ARHGAP6: variants seen among roughly 807,000 people sequenced by gnomAD.
ARHGAP6 encodes the protein Rho GTPase activating protein 6.
Under a neutral mutation model 55.7 loss-of-function variants are expected in ARHGAP6, and 16 were observed. The observed-to-expected ratio is 0.29, with a 90% CI of 0.19 to 0.44. ARHGAP6 has a LOEUF of 0.44. Ranked by LOEUF, ARHGAP6 falls within the 20% of genes least tolerant of loss-of-function variation. ARHGAP6 has a pLI of 1.00. For missense variants in ARHGAP6, 698 were observed against 808.9 expected, an observed-to-expected ratio of 0.86 and a Z score of 1.66; for synonymous variants, 382 against 360.9, an observed-to-expected ratio of 1.06 and a Z score of -0.66.
intron 1 of ARHGAP6, among the ~76,000 whole-genome samples, chrX:11,588,031 A>G (rs1300499867): frequency 8.9e-6 from 1 of 112,107 alleles, no homozygotes; most frequent in Admixed American, 9.5e-5. Flanking sequence ...TCTGCTGTTA[A>G]AAAGAGAAAT....
chrX:11,276,405 C>A (rs1042685272), intron 1 of ARHGAP6, among the ~76,000 whole-genome samples: 1 of 112,157 alleles, frequency 8.9e-6, no homozygotes, highest in Middle Eastern at 4.2e-3. Context: ...AGTAGCAATT[C>A]TGTCTATACA....
chrX:11,581,544 C>A lies in ARHGAP6; in HGVS notation c.588+82697G>T, dbSNP rs2051666314. On this transcript the variant is annotated intron_variant, in intron 1 of 12. Coordinates refer to ENST00000337414, the MANE Select transcript of ARHGAP6 (RefSeq NM_013427.3). ...GTCCATCAATGAATAAATGGATAAACAAAGTGTGGTCTATCCATACCCTGG... is the reference window on the plus strand; with the variant it reads ...GTCCATCAATGAATAAATGGATAAAAAAAGTGTGGTCTATCCATACCCTGG... Among the ~76,000 whole-genome samples, 3 of 111,810 alleles carry A rather than the reference C, an allele frequency of 2.7e-5. No homozygotes were observed. The Admixed American group carries it at 2.9e-4, about 11-fold the overall frequency.
chrX:11,659,716 G>T (rs2052675902), intron 1 of ARHGAP6, among the ~76,000 whole-genome samples: 1 of 111,582 alleles, frequency 9.0e-6, no homozygotes, highest in African/African-American at 3.3e-5. Context: ...CACAAGAAGA[G>T]TGGATGAGAT....
intron 9 of ARHGAP6, among the ~76,000 whole-genome samples, chrX:11,168,361 A>C (rs2046044429): frequency 8.9e-6 from 1 of 112,376 alleles, no homozygotes; most frequent in Non-Finnish European, 1.9e-5. Flanking sequence ...GTATCAAATG[A>C]TTCTGGTCAC....
intron 1 of ARHGAP6, among the ~76,000 whole-genome samples, chrX:11,359,270 A>C (rs769635066): frequency 1.8e-5 from 2 of 112,261 alleles, no homozygotes; most frequent in African/African-American, 3.2e-5. Context: ...AAACGGATCA[A>C]TCTGAATTAG....
At chrX:11,469,282 G>A (rs191930852) in intron 1 of ARHGAP6, among the ~76,000 whole-genome samples, 56 of 112,621 alleles carry the variant, frequency 5.0e-4, no homozygotes, top group African/African-American at 1.7e-3. Flanking sequence ...ATGTGATGAT[G>A]TTATTAAAAA....
Position 11,151,799 on chromosome X carries a change from C to G in ARHGAP6, c.1907+4730G>C, listed in dbSNP as rs750135010. 6.2e-5 allele frequency among the ~76,000 whole-genome samples: 7 copies of G among 112,222 alleles called. No individual in the cohort carries two copies. In the South Asian group the frequency reaches 2.6e-3, roughly 41 times the overall value. On this transcript the variant is annotated intron_variant, in intron 10 of 12. Coordinates refer to ENST00000337414, the MANE Select transcript of ARHGAP6 (RefSeq NM_013427.3). ...CAAATAAAATCTTGTGCAGTTTCCA[C>G]TTGGCCTCACAGGAATGTAAAGCTT...
chrX:11,207,397 T>G (rs996339642), intron 2 of ARHGAP6, among the ~76,000 whole-genome samples: 1 of 111,990 alleles, frequency 8.9e-6, no homozygotes, highest in African/African-American at 3.2e-5. Context: ...CTCTAAATTG[T>G]TTGTTTGTTT....
chrX:11,359,739 C>T (rs1456467610), intron 1 of ARHGAP6, among the ~76,000 whole-genome samples: 65 of 102,871 alleles, frequency 6.3e-4, no homozygotes, highest in African/African-American at 7.0e-4. Context: ...AAAGGATCAA[C>T]AAAATTGATA....
chrX:11,411,703 T>A (rs895847299), intron 1 of ARHGAP6, among the ~76,000 whole-genome samples: 5 of 111,460 alleles, frequency 4.5e-5, no homozygotes, highest in Admixed American at 2.9e-4. Context: ...AAGGAAAAAA[T>A]ATATATATAC....
chrX:11,645,828 T>G (rs746586947), intron 1 of ARHGAP6, among the ~76,000 whole-genome samples: 2 of 111,671 alleles, frequency 1.8e-5, no homozygotes, highest in Non-Finnish European at 1.9e-5. Context: ...ATATGACAGA[T>G]GAGATTTTGT....
At chrX:11,497,409 A>G (rs910531571) in intron 1 of ARHGAP6, among the ~76,000 whole-genome samples, 1 of 110,798 alleles carries the variant, frequency 9.0e-6, no homozygotes, top group Non-Finnish European at 1.9e-5. Context: ...CTAACCCCCA[A>G]TGTAATGGAA....
intron 8 of ARHGAP6, among the ~76,000 whole-genome samples, chrX:11,177,382 A>C (rs2046244689): frequency 2.0e-5 from 2 of 99,797 alleles, no homozygotes; most frequent in Admixed American, 1.1e-4. Context: ...GGGGGGGGGC[A>C]CACTGGGGCC....
At chrX:11,516,973 C>A (rs1402696030) in intron 1 of ARHGAP6, among the ~76,000 whole-genome samples, 1 of 111,453 alleles carries the variant, frequency 9.0e-6, no homozygotes, top group Non-Finnish European at 1.9e-5. Context: ...GGAAAATAAT[C>A]TTCTATATCT....
chrX:11,577,052 C>T (rs752540346), intron 1 of ARHGAP6, among the ~76,000 whole-genome samples: 9 of 112,232 alleles, frequency 8.0e-5, no homozygotes, highest in Non-Finnish European at 1.5e-4. Context: ...CCCTCCTTCA[C>T]CTATGAGAGC....
chrX:11,286,293 C>T (rs1265462677), intron 1 of ARHGAP6, among the ~76,000 whole-genome samples: 1 of 111,625 alleles, frequency 9.0e-6, no homozygotes, highest in East Asian at 2.8e-4. Context: ...TTGGTGCACC[C>T]ATCACCCTCT....
At chrX:11,649,594 A>T (rs887847939) in intron 1 of ARHGAP6, among the ~76,000 whole-genome samples, 1 of 111,781 alleles carries the variant, frequency 8.9e-6, no homozygotes, top group African/African-American at 3.2e-5. Flanking sequence ...GCACCTCCCA[A>T]ATAAACTGCT....
At chrX:11,581,142 A>G (rs1012365464) in intron 1 of ARHGAP6, among the ~76,000 whole-genome samples, 6 of 112,667 alleles carry the variant, frequency 5.3e-5, no homozygotes, top group Non-Finnish European at 9.4e-5. Flanking sequence ...TATTTTCCCA[A>G]AGAAGATGTA....
At chrX:11,244,148 T>C (rs2047322716) in intron 2 of ARHGAP6, among the ~76,000 whole-genome samples, 1 of 112,387 alleles carries the variant, frequency 8.9e-6, no homozygotes, top group African/African-American at 3.2e-5. Flanking sequence ...AATAGTATAG[T>C]TGAACAACTG....
Sources: gnomAD v4.1 joint callset for allele counts (sites outside exome capture counted in the v4.1 genomes callset) on GRCh38, gnomAD v4.1.1 for gene constraint, MANE v1.5 for transcripts, NCBI Gene and HGNC (gene_info 2026-07-23, HGNC 2026-07-21) for gene names.